AMPH: variants seen among roughly 807,000 people sequenced by gnomAD.
AMPH encodes amphiphysin.
Under a neutral mutation model 99.1 loss-of-function variants are expected in AMPH, and 49 were observed. That is an observed-to-expected ratio of 0.49 (90% CI 0.39 to 0.63). The LOEUF (loss-of-function observed/expected upper bound fraction) is 0.63, where lower values mean the gene tolerates loss of function less well. AMPH is among the 20% of genes least tolerant of loss of function. The pLI is 0.00. For missense variants in AMPH, 759 were observed against 863.4 expected (o/e 0.88, Z 1.52); for synonymous variants, 314 against 317.3 (o/e 0.99, Z 0.11).
chr7:38,449,781 A>T (rs1351501363), intron 11 of AMPH, among the ~76,000 whole-genome samples: 1 of 152,212 alleles, frequency 6.6e-6, no homozygotes, highest in Non-Finnish European at 1.5e-5. Flanking sequence ...AAAAATAGCA[A>T]GAGAAAGAAG....
At chr7:38,602,612 G>C (rs918655872) in intron 1 of AMPH, among the ~76,000 whole-genome samples, 1 of 152,022 alleles carries the variant, frequency 6.6e-6, no homozygotes, top group Non-Finnish European at 1.5e-5. Flanking sequence ...GCCTACCCCA[G>C]TAATCCAGAA....
At chr7:38,623,648 T>C (rs1794143883) in intron 1 of AMPH, among the ~76,000 whole-genome samples, 1 of 152,172 alleles carries the variant, frequency 6.6e-6, no homozygotes, top group African/African-American at 2.4e-5. Flanking sequence ...GAAGTAAACG[T>C]GGCCATATAA....
intron 1 of AMPH, among the ~76,000 whole-genome samples, chr7:38,569,516 A>G (rs1287126022): frequency 1.3e-5 from 2 of 152,088 alleles, no homozygotes; most frequent in African/African-American, 2.4e-5. Flanking sequence ...TGCAAAGCAT[A>G]GTAGAACCGA....
At chr7:38,456,882 C>T (rs1026954096) in intron 11 of AMPH, among the ~76,000 whole-genome samples, 3 of 152,208 alleles carry the variant, frequency 2.0e-5, no homozygotes, top group Non-Finnish European at 4.4e-5. Context: ...TCCACTGGGG[C>T]CCAAAGACTG....
chr7:38,534,836 A>C, intron 2 of AMPH, 95 bp downstream of exon 2: 1 of 1,034,888 alleles, frequency 9.7e-7, no homozygotes, highest in East Asian at 2.5e-5. Flanking sequence ...AACTCCATCT[A>C]GTCTTTTTTT....
At chr7:38,516,101 G>T (rs1366615400) in intron 2 of AMPH, among the ~76,000 whole-genome samples, 2 of 152,238 alleles carry the variant, frequency 1.3e-5, no homozygotes, top group Non-Finnish European at 2.9e-5. Flanking sequence ...AAAATTTGCA[G>T]CCTGGCCATG....
intron 2 of AMPH, among the ~76,000 whole-genome samples, chr7:38,529,513 C>T (rs1790315062): frequency 6.6e-6 from 1 of 152,206 alleles, no homozygotes. Context: ...CCATCACCTT[C>T]CAGGTAACTT....
chr7:38,472,988 G>A (rs1303886231), intron 7 of AMPH, among the ~76,000 whole-genome samples: 2 of 152,168 alleles, frequency 1.3e-5, no homozygotes, highest in East Asian at 3.9e-4. Context: ...GCTAGTTTTG[G>A]ATGTAGTAGA....
chr7:38,418,269 T>C (rs1785457937), intron 16 of AMPH, among the ~76,000 whole-genome samples: 2 of 152,014 alleles, frequency 1.3e-5, no homozygotes. Flanking sequence ...ATGATAGCTA[T>C]AAGAGGTTCT....
chr7:38,512,978 T>C (rs909641077), intron 2 of AMPH, among the ~76,000 whole-genome samples: 2 of 152,100 alleles, frequency 1.3e-5, no homozygotes, highest in Non-Finnish European at 2.9e-5. Flanking sequence ...TTGGATGTGA[T>C]GGAAATGAAA....
At chr7:38,526,433 C>CTTTTTTTTTTTT (rs33974810) in intron 2 of AMPH, among the ~76,000 whole-genome samples, 2 of 72,566 alleles carry the variant, frequency 2.8e-5, no homozygotes, top group Admixed American at 2.4e-4. Context: ...CCATGCCCGG[C>CTTTTTTTTTTTT]TTTTTTTTTT....
chr7:38,512,688 T>C (rs941040566), intron 2 of AMPH, among the ~76,000 whole-genome samples: 10 of 152,306 alleles, frequency 6.6e-5, no homozygotes, highest in Middle Eastern at 3.4e-3. Context: ...ACAGGCTTCA[T>C]AGGAAATGGC....
intron 15 of AMPH, among the ~76,000 whole-genome samples, chr7:38,426,088 T>C (rs1785773995): frequency 6.6e-6 from 1 of 152,136 alleles, no homozygotes; most frequent in Non-Finnish European, 1.5e-5. Flanking sequence ...CATGGGAAAA[T>C]AATGAAACCT....
chr7:38,588,816 C>T (rs1470122066), intron 1 of AMPH, among the ~76,000 whole-genome samples: 2 of 152,062 alleles, frequency 1.3e-5, no homozygotes, highest in African/African-American at 2.4e-5. Context: ...ATAAAGAAGA[C>T]TTGTAATACT....
At chr7:38,576,631 C>T (rs1792255496) in intron 1 of AMPH, among the ~76,000 whole-genome samples, 1 of 152,006 alleles carries the variant, frequency 6.6e-6, no homozygotes, top group Admixed American at 6.6e-5. Context: ...GAGATAAAGG[C>T]AAAAGAATAG....
chr7:38,474,427 AAC>A (rs1027916304), intron 7 of AMPH, among the ~76,000 whole-genome samples: 5 of 152,168 alleles, frequency 3.3e-5, no homozygotes, highest in East Asian at 1.9e-4. Flanking sequence ...TTCAGAGAGA[AAC>A]ACAGAGTGCC....
intron 1 of AMPH, among the ~76,000 whole-genome samples, chr7:38,552,827 C>T (rs957071774): frequency 3.3e-5 from 5 of 152,192 alleles, no homozygotes; most frequent in Admixed American, 6.5e-5. Context: ...CTTTCTCTAT[C>T]GCTCTTTCAT....
intron 1 of AMPH, among the ~76,000 whole-genome samples, chr7:38,590,558 C>T (rs533502406): frequency 6.6e-6 from 1 of 152,250 alleles, no homozygotes; most frequent in African/African-American, 2.4e-5. Flanking sequence ...GGGTTTATAT[C>T]CCAATCATTG....
chr7:38,506,310 G>T (rs1320080795), intron 2 of AMPH, among the ~76,000 whole-genome samples: 5 of 152,088 alleles, frequency 3.3e-5, no homozygotes, highest in Admixed American at 6.5e-5. Context: ...AAGCCCAATA[G>T]AATTAGTGAA....
Sources: gnomAD v4.1 joint callset for allele counts (sites outside exome capture counted in the v4.1 genomes callset) on GRCh38, gnomAD v4.1.1 for gene constraint, MANE v1.5 for transcripts, NCBI Gene and HGNC (gene_info 2026-07-23, HGNC 2026-07-21) for gene names.